SLC25A13: variants seen among roughly 807,000 people sequenced by gnomAD.
SLC25A13 encodes solute carrier family 25 member 13, also known as electrogenic aspartate/glutamate antiporter SLC25A13, mitochondrial.
SLC25A13 carries 70 observed loss-of-function variants against 85.5 expected under a neutral mutation model. The observed-to-expected ratio is 0.82, with a 90% CI of 0.68 to 1.00. The LOEUF (loss-of-function observed/expected upper bound fraction) is 1.00, where lower values mean the gene tolerates loss of function less well. Among genes scored for constraint, SLC25A13 ranks in the 50% least tolerant of loss-of-function variants. The probability of loss-of-function intolerance (pLI) is 0.00; values close to 1 mark genes in which losing one functional copy is unlikely to be tolerated. For synonymous variants in SLC25A13, 259 were observed against 288.7 expected (o/e 0.90, Z 1.04); for missense variants, 765 against 819.8 (o/e 0.93, Z 0.82).
intron 1 of SLC25A13, among the ~76,000 whole-genome samples, chr7:96,299,100 C>T (rs1562915789): frequency 6.6e-6 from 1 of 152,286 alleles, no homozygotes; most frequent in Admixed American, 6.5e-5. Flanking sequence ...ATGAAGTATT[C>T]TTCGTAATTC....
chr7:96,252,377 C>G (rs1489022947), intron 3 of SLC25A13, among the ~76,000 whole-genome samples: 1 of 152,120 alleles, frequency 6.6e-6, no homozygotes, highest in Non-Finnish European at 1.5e-5. Flanking sequence ...AACTGCAAGA[C>G]AGAATCTACT....
intron 2 of SLC25A13, chr7:96,283,406 G>T: frequency 2.5e-6 from 1 of 405,984 alleles, no homozygotes. Flanking sequence ...ATGTTCTGTA[G>T]GCCTTTTAGA....
intron 1 of SLC25A13, among the ~76,000 whole-genome samples, chr7:96,310,548 A>G (rs1194149268): frequency 6.6e-6 from 1 of 152,198 alleles, no homozygotes; most frequent in Non-Finnish European, 1.5e-5. Flanking sequence ...CCCTCTGTAA[A>G]CAGCAAGTAA....
At chr7:96,266,806 G>C (rs1281917394) in intron 3 of SLC25A13, among the ~76,000 whole-genome samples, 1 of 152,060 alleles carries the variant, frequency 6.6e-6, no homozygotes, top group Admixed American at 6.6e-5. Context: ...AAAAGAAAGG[G>C]GGTTAATCAG....
intron 13 of SLC25A13, among the ~76,000 whole-genome samples, chr7:96,163,917 A>ATC (rs1793629386): frequency 6.6e-6 from 1 of 152,164 alleles, no homozygotes; most frequent in African/African-American, 2.4e-5. Context: ...ATATATATAT[A>ATC]TTAGAAGTTA....
At chr7:96,124,203 G>A (rs988059470) in intron 15 of SLC25A13, among the ~76,000 whole-genome samples, 1 of 152,082 alleles carries the variant, frequency 6.6e-6, no homozygotes, top group African/African-American at 2.4e-5. Context: ...TACAGCTTTA[G>A]GGCACAAGTC....
intron 2 of SLC25A13, among the ~76,000 whole-genome samples, chr7:96,288,883 G>A (rs1562906601): frequency 6.6e-6 from 1 of 152,188 alleles, no homozygotes; most frequent in Non-Finnish European, 1.5e-5. Flanking sequence ...AGACTTAAAT[G>A]TCCCTGTCTG....
At chr7:96,201,571 G>T (rs1795258668) in intron 5 of SLC25A13, among the ~76,000 whole-genome samples, 1 of 151,644 alleles carries the variant, frequency 6.6e-6, no homozygotes, top group Admixed American at 6.6e-5. Context: ...AAGACAAGTT[G>T]GGGGACAAAA....
At chr7:96,281,000 CCAAAAAACTAAAAATAACACA>C (rs1798656193) in intron 2 of SLC25A13, among the ~76,000 whole-genome samples, 1 of 152,056 alleles carries the variant, frequency 6.6e-6, no homozygotes, top group Non-Finnish European at 1.5e-5. Flanking sequence ...TTTGTAGTAT[CCAAAAAACTAAAAATAACACA>C]AATGTCAACC....
intron 3 of SLC25A13, among the ~76,000 whole-genome samples, chr7:96,275,751 G>A (rs1185376351): frequency 1.3e-4 from 20 of 152,090 alleles, no homozygotes; most frequent in Non-Finnish European, 2.2e-4. Flanking sequence ...TCGGGGGAGT[G>A]GGGAGGGATA....
chr7:96,234,298 G>A (rs961761062), intron 4 of SLC25A13, among the ~76,000 whole-genome samples: 1 of 152,200 alleles, frequency 6.6e-6, no homozygotes, highest in Non-Finnish European at 1.5e-5. Context: ...ACAGCAGTCA[G>A]GTCGGGGGAG....
intron 3 of SLC25A13, among the ~76,000 whole-genome samples, chr7:96,249,540 G>A (rs1797331639): frequency 1.3e-5 from 2 of 152,138 alleles, no homozygotes; most frequent in Non-Finnish European, 1.5e-5. Context: ...ATGCTGAAAA[G>A]CAGTTAAGAA....
intron 4 of SLC25A13, among the ~76,000 whole-genome samples, chr7:96,210,784 T>A (rs1221658279): frequency 1.3e-5 from 2 of 152,094 alleles, no homozygotes; most frequent in African/African-American, 2.4e-5. Flanking sequence ...GAAAAAAAAT[T>A]CACACTGTAA....
chr7:96,170,224 C>A, intron 12 of SLC25A13, 99 bp from the exon 13 acceptor site: 1 of 1,065,576 alleles, frequency 9.4e-7, no homozygotes, highest in Non-Finnish European at 1.4e-6. Context: ...TTTTTTCTAT[C>A]AGTCTATTGG....
At chr7:96,155,435 A>G (rs766007372) in intron 13 of SLC25A13, among the ~76,000 whole-genome samples, 8 of 152,078 alleles carry the variant, frequency 5.3e-5, no homozygotes, top group Non-Finnish European at 1.0e-4. Context: ...TGGTTTTCCT[A>G]TGCAGTAGAT....
intron 4 of SLC25A13, among the ~76,000 whole-genome samples, chr7:96,216,928 A>G (rs946059821): frequency 2.0e-5 from 3 of 152,226 alleles, no homozygotes; most frequent in Admixed American, 2.0e-4. Flanking sequence ...AGAGAAAAAA[A>G]GAAAAGAAAA....
In SLC25A13 at chr7:96,219,637, C is replaced by T. The variant is rs781299532; in HGVS notation, c.329-10660G>A. On this transcript the variant is annotated intron_variant, in intron 4 of 17. Transcript: ENST00000265631. ...TTGGAGAGCTTGTTTAAAACACATT[C>T]CCAAGCCCCACACCCAAAAATTATG... 9.4e-6 allele frequency: 5 copies of T among 530,148 alleles called. No homozygotes were observed. In the African/African-American group the frequency reaches 9.7e-5, roughly 10 times the overall value. 32.8% of individuals were successfully genotyped at this position (530,148 alleles called of 1,614,324 possible).
At chr7:96,239,864 A>G (rs1796902325) in intron 3 of SLC25A13, among the ~76,000 whole-genome samples, 1 of 152,242 alleles carries the variant, frequency 6.6e-6, no homozygotes, top group African/African-American at 2.4e-5. Flanking sequence ...GCGACTTTGT[A>G]ACTCCTTTAT....
intron 3 of SLC25A13, among the ~76,000 whole-genome samples, chr7:96,249,924 C>G (rs1445648054): frequency 6.6e-6 from 1 of 151,336 alleles, no homozygotes; most frequent in African/African-American, 2.4e-5. Flanking sequence ...TGGCTCACGC[C>G]TGTAATCCCA....
Sources: allele counts gnomAD v4.1 joint callset (sites outside exome capture counted in the v4.1 genomes callset), GRCh38; gene constraint gnomAD v4.1.1; transcripts MANE v1.5; gene names NCBI Gene and HGNC (gene_info 2026-07-23, HGNC 2026-07-21).